Variants in HDAC8 observed in about 807,000 individuals in gnomAD.
HDAC8 encodes the protein histone deacetylase-like 1.
In HDAC8, 1 loss-of-function variant was observed where a neutral mutation model predicts 32.2. The observed-to-expected ratio is 0.03, with a 90% CI of 0.01 to 0.15. The LOEUF is 0.15. Ranked by LOEUF, HDAC8 falls within the 10% of genes least tolerant of loss-of-function variation. The pLI is 1.00. For missense variants in HDAC8, 117 were observed against 300.0 expected, an observed-to-expected ratio of 0.39 and a Z score of 4.51; for synonymous variants, 108 against 113.9, an observed-to-expected ratio of 0.95 and a Z score of 0.33.
intron 7 of HDAC8, 47 bp from the exon 8 acceptor site, chrX:72,464,778 G>A: frequency 1.0e-6 from 1 of 966,123 alleles, no homozygotes; most frequent in Non-Finnish European, 1.5e-6. Context: ...TTTGGTCTAG[G>A]GGTAGTGGTG....
At chrX:72,542,936 C>T (rs2050752453) in intron 4 of HDAC8, among the ~76,000 whole-genome samples, 2 of 112,168 alleles carry the variant, frequency 1.8e-5, no homozygotes, top group Middle Eastern at 4.2e-3. Context: ...CATATTAGTT[C>T]ATATCATATC....
chrX:72,444,164 G>T (rs1555983454), intron 9 of HDAC8, among the ~76,000 whole-genome samples: 1 of 103,032 alleles, frequency 9.7e-6, no homozygotes, highest in African/African-American at 3.6e-5. Flanking sequence ...GAAAAAGAGG[G>T]AATCCTCCCT....
intron 9 of HDAC8, among the ~76,000 whole-genome samples, chrX:72,388,152 G>A (rs1025754756): frequency 1.1e-4 from 12 of 110,910 alleles, no homozygotes; most frequent in African/African-American, 3.9e-4. Context: ...GCCCAATCTA[G>A]AACGATCTTG....
intron 9 of HDAC8, among the ~76,000 whole-genome samples, chrX:72,388,433 G>C (rs1434006790): frequency 9.1e-6 from 1 of 109,769 alleles, no homozygotes. Flanking sequence ...TCTTTGGTAA[G>C]CCTTTGCTCT....
chrX:72,354,716 T>G (rs1346323973), intron 9 of HDAC8, among the ~76,000 whole-genome samples: 7 of 111,444 alleles, frequency 6.3e-5, no homozygotes, highest in Non-Finnish European at 1.3e-4. Flanking sequence ...TACAAGTAGT[T>G]TTTGGTTACA....
At chrX:72,437,973 A>G (rs1237934233) in intron 9 of HDAC8, among the ~76,000 whole-genome samples, 1 of 112,249 alleles carries the variant, frequency 8.9e-6, no homozygotes, top group Non-Finnish European at 1.9e-5. Context: ...GGGTCTCCCA[A>G]CACAGTGCTC....
At chrX:72,438,158 T>C (rs1422765898) in intron 9 of HDAC8, among the ~76,000 whole-genome samples, 1 of 111,942 alleles carries the variant, frequency 8.9e-6, no homozygotes, top group Non-Finnish European at 1.9e-5. Context: ...CAAGCAACAA[T>C]CTTTGCTGTT....
chrX:72,453,632 C>T (rs1184254946), intron 9 of HDAC8, among the ~76,000 whole-genome samples: 2 of 111,387 alleles, frequency 1.8e-5, no homozygotes, highest in African/African-American at 6.5e-5. Context: ...AAAGAAGTAA[C>T]AGAAAAAAAT....
At chrX:72,500,454 C>T (rs961125823) in intron 4 of HDAC8, among the ~76,000 whole-genome samples, 11 of 111,814 alleles carry the variant, frequency 9.8e-5, no homozygotes, top group African/African-American at 3.6e-4. Flanking sequence ...TTCATCTCTA[C>T]GATGCAAGGT....
At chrX:72,403,840 G>A (rs1431820849) in intron 9 of HDAC8, among the ~76,000 whole-genome samples, 1 of 111,059 alleles carries the variant, frequency 9.0e-6, no homozygotes, top group African/African-American at 3.3e-5. Context: ...GATGTGGGAG[G>A]ATCACTTGAG....
chrX:72,427,235 TC>T (rs1306878321), intron 9 of HDAC8, among the ~76,000 whole-genome samples: 1 of 111,213 alleles, frequency 9.0e-6, no homozygotes, highest in Non-Finnish European at 1.9e-5. Context: ...GACCCAGCCA[TC>T]CCATTACTGG....
chrX:72,329,784 A>C lies in HDAC8; in HGVS notation c.*270T>G. The C allele has an allele frequency of 9.0e-7, 1 of 1,112,908 alleles. No homozygotes were observed. The allele number at this position is 1,112,908 out of a possible 1,213,427, so 91.7% of individuals were successfully genotyped here. On this transcript the variant is annotated 3_prime_UTR_variant, in exon 11 of 11. Coordinates refer to ENST00000373573, the MANE Select transcript of HDAC8 (RefSeq NM_018486.3). ...TTAAAAATAATTTTCAAAGATTAAAAATTTCATTTGTGTGTGTGTGTTTTT... is the reference window on the plus strand; with the variant it reads ...TTAAAAATAATTTTCAAAGATTAAACATTTCATTTGTGTGTGTGTGTTTTT...
At chrX:72,408,625 C>T (rs1260356925) in intron 9 of HDAC8, among the ~76,000 whole-genome samples, 2 of 111,439 alleles carry the variant, frequency 1.8e-5, no homozygotes, top group East Asian at 2.8e-4. Context: ...AGGCTGGTCT[C>T]GAACTCTTGA....
Position 72,408,414 on chromosome X carries a change from A to C in HDAC8, c.1005+53590T>G, listed in dbSNP as rs75249302. Among the ~76,000 whole-genome samples, 896 of 107,214 alleles carry C rather than the reference A, an allele frequency of 8.4e-3. 2 individuals are homozygous for C. Among genetic ancestry groups the C allele is most frequent in the South Asian group, 0.013 (32 of 2,475 alleles). 93.1% of individuals were successfully genotyped at this position (107,214 alleles called of 115,157 possible). ...GGGGAAAAGGATTCTTTCTTTCTTTATTTTTTTTTTGAGAGGAAGTCTCGT... is the reference window on the plus strand; with the variant it reads ...GGGGAAAAGGATTCTTTCTTTCTTTCTTTTTTTTTTGAGAGGAAGTCTCGT... On this transcript the variant is annotated intron_variant, in intron 9 of 10. Coordinates refer to ENST00000373573, the MANE Select transcript of HDAC8 (RefSeq NM_018486.3).
intron 9 of HDAC8, among the ~76,000 whole-genome samples, chrX:72,362,370 T>C (rs1436583389): frequency 1.8e-5 from 2 of 111,951 alleles, no homozygotes; most frequent in Non-Finnish European, 3.8e-5. Context: ...CGCCAGAAGA[T>C]GTTGGTGTCA....
chrX:72,402,919 T>G (rs2045943320), intron 9 of HDAC8, among the ~76,000 whole-genome samples: 1 of 111,959 alleles, frequency 8.9e-6, no homozygotes, highest in East Asian at 2.8e-4. Flanking sequence ...TCTCCAGTAA[T>G]TAATTTTGTT....
At chrX:72,471,493 C>T (rs1014318389) in intron 7 of HDAC8, among the ~76,000 whole-genome samples, 1 of 112,246 alleles carries the variant, frequency 8.9e-6, no homozygotes, top group Non-Finnish European at 1.9e-5. Context: ...CACATCTTCA[C>T]CAACACTTGC....
intron 4 of HDAC8, among the ~76,000 whole-genome samples, chrX:72,539,493 G>A (rs1040225945): frequency 2.7e-5 from 3 of 110,092 alleles, no homozygotes; most frequent in East Asian, 5.7e-4. Flanking sequence ...ACCCGCCTCG[G>A]CCTCCCAAAG....
chrX:72,408,587 G>A (rs2046108063), intron 9 of HDAC8, among the ~76,000 whole-genome samples: 1 of 111,170 alleles, frequency 9.0e-6, no homozygotes, highest in African/African-American at 3.3e-5. Flanking sequence ...TGTATTTTGA[G>A]TACAGATGGG....
Sources: allele counts gnomAD v4.1 joint callset (sites outside exome capture counted in the v4.1 genomes callset), GRCh38; gene constraint gnomAD v4.1.1; transcripts MANE v1.5; gene names NCBI Gene and HGNC (gene_info 2026-07-23, HGNC 2026-07-21).